WWOX: variants seen among roughly 807,000 people sequenced by gnomAD.
The protein encoded by WWOX is WW domain-containing oxidoreductase.
In WWOX, 69 loss-of-function variants were observed where a neutral mutation model predicts 46.2. That is an observed-to-expected ratio of 1.49 (90% confidence interval 1.23 to 1.82). The LOEUF (loss-of-function observed/expected upper bound fraction) is 1.82, where lower values mean the gene tolerates loss of function less well. Ranked by LOEUF, WWOX falls within the 40% of genes most tolerant of loss-of-function variation. The probability of loss-of-function intolerance (pLI) is 0.00; values close to 1 mark genes in which losing one functional copy is unlikely to be tolerated. For synonymous variants in WWOX, 359 were observed against 202.6 expected (o/e 1.77, Z -6.56); for missense variants, 919 against 542.6 (o/e 1.69, Z -6.89).
intron 8 of WWOX, among the ~76,000 whole-genome samples, chr16:79,099,509 T>C (rs2049146902): frequency 6.6e-6 from 1 of 152,106 alleles, no homozygotes; most frequent in Admixed American, 6.5e-5. Context: ...TACACAACTA[T>C]GCTGGCCAGT....
At chr16:78,127,388 A>T (rs2033405713) in intron 4 of WWOX, among the ~76,000 whole-genome samples, 1 of 151,932 alleles carries the variant, frequency 6.6e-6, no homozygotes, top group Non-Finnish European at 1.5e-5. Flanking sequence ...ATCTCTGTGA[A>T]TTTGTCCTAA....
intron 8 of WWOX, among the ~76,000 whole-genome samples, chr16:78,745,861 G>T (rs1328223163): frequency 2.0e-5 from 3 of 149,614 alleles, no homozygotes; most frequent in African/African-American, 7.4e-5. Context: ...CATCTAGTTT[G>T]GAAAAAGCAC....
intron 4 of WWOX, among the ~76,000 whole-genome samples, chr16:78,159,737 A>G (rs2034727976): frequency 6.9e-6 from 1 of 145,056 alleles, no homozygotes; most frequent in Non-Finnish European, 1.5e-5. Context: ...TTGGATATGA[A>G]CACTATCAGT....
intron 5 of WWOX, among the ~76,000 whole-genome samples, chr16:78,181,554 G>A (rs1348327193): frequency 6.6e-6 from 1 of 152,180 alleles, no homozygotes. Context: ...CACACTCCGT[G>A]GCTGGGATCC....
intron 4 of WWOX, among the ~76,000 whole-genome samples, chr16:78,159,672 GTTTTTT>G (rs35468343): frequency 2.3e-4 from 13 of 55,376 alleles, no homozygotes; most frequent in African/African-American, 8.2e-4. Context: ...AAAATCTGTG[GTTTTTT>G]TTTTTTTTTT....
chr16:78,601,381 G>T (rs1487824487), intron 8 of WWOX, among the ~76,000 whole-genome samples: 1 of 151,548 alleles, frequency 6.6e-6, no homozygotes, highest in Non-Finnish European at 1.5e-5. Context: ...TAAGACAGAG[G>T]AGGTTCAGGG....
At chr16:78,891,721 A>G (rs1373117814) in intron 8 of WWOX, 2 of 152,204 alleles carry the variant, frequency 1.3e-5, no homozygotes, top group African/African-American at 2.4e-5. Context: ...ATTGGTCAAG[A>G]AAGAGTCTCA....
chr16:78,107,540 G>C (rs2151664435), intron 1 of WWOX, among the ~76,000 whole-genome samples: 1 of 152,246 alleles, frequency 6.6e-6, no homozygotes, highest in African/African-American at 2.4e-5. Context: ...TTAAGGAGTG[G>C]GGTCACTTGA....
chr16:78,830,901 T>G (rs537847932), intron 8 of WWOX, among the ~76,000 whole-genome samples: 2 of 152,216 alleles, frequency 1.3e-5, no homozygotes, highest in African/African-American at 4.8e-5. Flanking sequence ...TCAGGTCAGG[T>G]GCGTCTTCTT....
chr16:78,623,042 C>T (rs1255356172), intron 8 of WWOX, among the ~76,000 whole-genome samples: 2 of 151,998 alleles, frequency 1.3e-5, no homozygotes, highest in African/African-American at 2.4e-5. Context: ...ATGAGTTCTG[C>T]TAGCAACCTA....
intron 8 of WWOX, among the ~76,000 whole-genome samples, chr16:78,855,788 T>C (rs2052552343): frequency 6.6e-6 from 1 of 152,090 alleles, no homozygotes. Context: ...TCAGAAAAGA[T>C]AGCCTGTTCA....
intron 5 of WWOX, among the ~76,000 whole-genome samples, chr16:78,173,526 C>T (rs2035232473): frequency 6.7e-6 from 1 of 149,986 alleles, no homozygotes; most frequent in African/African-American, 2.5e-5. Context: ...TCGAATTCCT[C>T]TGCTCAGGCG....
chr16:78,638,151 C>G (rs2046619347), intron 8 of WWOX, among the ~76,000 whole-genome samples: 1 of 152,142 alleles, frequency 6.6e-6, no homozygotes, highest in African/African-American at 2.4e-5. Context: ...AACACTGTTT[C>G]CCATGGCAAT....
At chr16:78,430,582 C>T (rs1037913506) in intron 7 of WWOX, among the ~76,000 whole-genome samples, 6 of 152,082 alleles carry the variant, frequency 3.9e-5, no homozygotes, top group Non-Finnish European at 8.8e-5. Context: ...ATCACGACAA[C>T]CAGAAGAAGG....
At chr16:78,611,161 A>C (rs1361980624) in intron 8 of WWOX, among the ~76,000 whole-genome samples, 1 of 152,164 alleles carries the variant, frequency 6.6e-6, no homozygotes, top group East Asian at 1.9e-4. Context: ...GAAACGACTG[A>C]AATAGGTAGT....
At chr16:78,495,131 T>G (rs1055027347) in intron 8 of WWOX, among the ~76,000 whole-genome samples, 2 of 131,990 alleles carry the variant, frequency 1.5e-5, no homozygotes, top group Admixed American at 1.8e-4. Context: ...AGATTAGTAG[T>G]AGACTGTTGT....
intron 8 of WWOX, among the ~76,000 whole-genome samples, chr16:79,032,964 T>G (rs1165943860): frequency 6.6e-6 from 1 of 151,444 alleles, no homozygotes; most frequent in African/African-American, 2.4e-5. Context: ...GTTCCCCTCT[T>G]TGTGTCTATG....
chr16:79,154,547 G>A (rs951133962), intron 8 of WWOX, among the ~76,000 whole-genome samples: 6 of 149,242 alleles, frequency 4.0e-5, no homozygotes, highest in African/African-American at 1.5e-4. Flanking sequence ...AAAGGATATA[G>A]CCACTCTTTT....
At chr16:79,090,334 A>T (rs924056760) in intron 8 of WWOX, among the ~76,000 whole-genome samples, 4 of 147,718 alleles carry the variant, frequency 2.7e-5, no homozygotes, top group African/African-American at 5.0e-5. Context: ...AATGTGTTGC[A>T]TTGGTGTCTA....
Sources: allele counts gnomAD v4.1 joint callset (sites outside exome capture counted in the v4.1 genomes callset), GRCh38; gene constraint gnomAD v4.1.1; transcripts MANE v1.5; gene names NCBI Gene and HGNC (gene_info 2026-07-23, HGNC 2026-07-21).